SNU13: variants seen among roughly 807,000 people sequenced by gnomAD.
SNU13 encodes NHP2-like protein 1.
A neutral mutation model predicts 12.4 loss-of-function variants in SNU13; 2 were observed. That is an observed-to-expected ratio of 0.16 (90% confidence interval 0.07 to 0.51). The LOEUF is 0.51. SNU13 is among the 20% of genes least tolerant of loss of function. The probability of loss-of-function intolerance (pLI) is 0.96; values close to 1 mark genes in which losing one functional copy is unlikely to be tolerated. For missense variants in SNU13, 66 were observed against 157.8 expected (o/e 0.42, Z 3.12); for synonymous variants, 68 against 66.5 (o/e 1.02, Z -0.11).
chr22:41,679,439 C>T (rs955309688), intron 2 of SNU13, among the ~76,000 whole-genome samples: 1 of 151,914 alleles, frequency 6.6e-6, no homozygotes, highest in Non-Finnish European at 1.5e-5. Flanking sequence ...GCCTGTAATC[C>T]CAGCTACTTG....
At chr22:41,679,809 CAT>C (rs973703079) in intron 2 of SNU13, 1 of 152,114 alleles carries the variant, frequency 6.6e-6, no homozygotes, top group Non-Finnish European at 1.5e-5. Flanking sequence ...TGAAACGTTC[CAT>C]GTTTTTGAAT....
rs2147130254 is a variant in SNU13 at position 41,674,830 on chromosome 22, TAAC to T, written c.*100_*102del. The T allele has an allele frequency of 8.3e-6, 12 of 1,452,182 alleles. No individual in the cohort carries two copies. Among genetic ancestry groups the T allele is most frequent in the Non-Finnish European group, 1.1e-5 (12 of 1,074,990 alleles). The allele number at this position is 1,452,182 out of a possible 1,614,324, so 90.0% of individuals were successfully genotyped here. ...AAACCAGATTTAGTACTACATTTTA[TAAC>T]AATAGAGAGTAGCTGAAAATACTAC... On this transcript the variant is annotated 3_prime_UTR_variant, in exon 3 of 3. Coordinates refer to ENST00000401959, the MANE Select transcript of SNU13 (RefSeq NM_001003796.2).
At chr22:41,682,418 G>A (rs2068272352) in intron 1 of SNU13, 1 of 1,613,058 alleles carries the variant, frequency 6.2e-7, no homozygotes, top group African/African-American at 1.3e-5. Context: ...TGTCGGTTTG[G>A]ACGGTCTGCT....
intron 2 of SNU13, 96 bp from the exon 3 acceptor site, chr22:41,675,291 T>C: frequency 6.8e-7 from 1 of 1,461,148 alleles, no homozygotes; most frequent in Non-Finnish European, 9.3e-7. Context: ...CACAATTATG[T>C]GTCCTAGACC....
intron 2 of SNU13, among the ~76,000 whole-genome samples, chr22:41,678,058 C>A (rs1569107208): frequency 6.6e-6 from 1 of 151,440 alleles, no homozygotes; most frequent in Non-Finnish European, 1.5e-5. Flanking sequence ...TCACTGCAAG[C>A]TCCGCCTCCC....
In SNU13 at chr22:41,674,860, T is replaced by C; in HGVS notation, c.*73A>G. On this transcript the variant is annotated 3_prime_UTR_variant, in exon 3 of 3. Coordinates refer to ENST00000401959, the MANE Select transcript of SNU13 (RefSeq NM_001003796.2). The stretch of plus-strand genomic sequence containing the variant: ...ATAGAGAGTAGCTGAAAATACTACA[T>C]GCTAACACAGATAATATGATACACA... The C allele has an allele frequency of 1.9e-6, 3 of 1,555,870 alleles. No individual in the cohort carries two copies. Among genetic ancestry groups the C allele is most frequent in the Non-Finnish European group, 2.6e-6 (3 of 1,143,802 alleles).
intron 1 of SNU13, 111 bp downstream of exon 1, chr22:41,688,683 A>G: frequency 6.9e-7 from 1 of 1,442,696 alleles, no homozygotes; most frequent in Non-Finnish European, 9.4e-7. Context: ...TTAAGACCCA[A>G]CGCCGGCGGA....
At position 41,674,892 on chromosome 22, in the gene SNU13, G is replaced by C. The variant is rs1305366895; in HGVS notation, c.*41C>G. ...ACAGATAATATGATACACAACCTCA[G>C]GGGGGAAGCTGGCAGGGAGCACGTG... On this transcript the variant is annotated 3_prime_UTR_variant, in exon 3 of 3. Coordinates refer to ENST00000401959, the MANE Select transcript of SNU13 (RefSeq NM_001003796.2). 5.6e-6 allele frequency: 9 copies of C among 1,600,770 alleles called. No homozygotes were observed. Among genetic ancestry groups the C allele is most frequent in the Non-Finnish European group, 7.7e-6 (9 of 1,171,226 alleles).
intron 1 of SNU13, chr22:41,687,589 A>C (rs2068321154): frequency 6.6e-6 from 1 of 152,228 alleles, no homozygotes. Flanking sequence ...TCAGGGGTTA[A>C]ATAAATTAAC....
rs1415433150 is a variant in SNU13, at chr22:41,675,020, G to A, written c.300C>T (p.Ile100=). ...CTTCTTTGATGGTGACAGAACAGGC[G>A]ATGACAGGCCTGGAGACCCCACAGG... ...GRACGVSRPV[I]ACSVTIKEGS... The change falls in exon 3 of 3, where the codon ATC becomes ATT. Residue 100 remains isoleucine, a synonymous_variant. Coordinates refer to ENST00000401959, the MANE Select transcript of SNU13 (RefSeq NM_001003796.2). 6.2e-6 allele frequency: 10 copies of A among 1,614,090 alleles called. No homozygotes were observed. The highest frequency in any genetic ancestry group is 3.3e-5 in the Admixed American group (2 of 59,996).
chr22:41,674,711 G>T lies in SNU13; in HGVS notation c.*222C>A, dbSNP rs1569105519. ...TGCTCTGAACACTTGTTCCAAAAAG[G>T]GAGGATAAAAGGATGAAGGATGGCA... On this transcript the variant is annotated 3_prime_UTR_variant, in exon 3 of 3. Coordinates refer to ENST00000401959, the MANE Select transcript of SNU13 (RefSeq NM_001003796.2). 2 of 588,692 alleles carry T rather than the reference G, an allele frequency of 3.4e-6. No individual in the cohort carries two copies. The highest frequency in any genetic ancestry group is 5.8e-6 in the Non-Finnish European group (2 of 345,426). 36.5% of individuals were successfully genotyped at this position (588,692 alleles called of 1,614,324 possible).
intron 2 of SNU13, among the ~76,000 whole-genome samples, chr22:41,679,014 T>G (rs540283459): frequency 3.9e-5 from 6 of 152,332 alleles, no homozygotes; most frequent in Non-Finnish European, 7.3e-5. Flanking sequence ...TCCTAACACT[T>G]TGGGAGGCCA....
At chr22:41,689,446 G>A (rs2068342178), upstream of SNU13, 2 of 151,222 alleles carry the variant, frequency 1.3e-5, no homozygotes, top group South Asian at 2.1e-4. Context: ...GAGGCAGGCG[G>A]ATCACTAGGT....
Position 41,674,419 on chromosome 22 carries a change from C to T in SNU13, c.*514G>A. On this transcript the variant is annotated 3_prime_UTR_variant, in exon 3 of 3. Coordinates refer to ENST00000401959, the MANE Select transcript of SNU13 (RefSeq NM_001003796.2). Reference sequence around the variant, plus strand: ...ATTAGTAAACGACACTTGGACATAGCCGAACAACCTCACAGAACACATGCT... The same window carrying T: ...ATTAGTAAACGACACTTGGACATAGTCGAACAACCTCACAGAACACATGCT... The T allele has an allele frequency of 6.4e-6, 1 of 157,412 alleles. No homozygotes were observed. Among genetic ancestry groups the T allele is most frequent in the Non-Finnish European group, 1.4e-5 (1 of 71,136 alleles). The allele number at this position is 157,412 out of a possible 1,614,324, so 9.8% of individuals were successfully genotyped here.
intron 1 of SNU13, chr22:41,681,254 G>A (rs1266406600): frequency 6.6e-6 from 1 of 152,102 alleles, no homozygotes; most frequent in Non-Finnish European, 1.5e-5. Flanking sequence ...TTGTTCTTAG[G>A]ATATATCCTA....
rs550117749 is a variant in SNU13 at position 41,688,635 on chromosome 22, C to A, written c.3+159G>T. Reference sequence around the variant, plus strand: ...CTAACCTCGGGCCAGGCTGCTGGGACCCCGCCGCTGCTGGGGTTCTAACTA... The same window carrying A: ...CTAACCTCGGGCCAGGCTGCTGGGAACCCGCCGCTGCTGGGGTTCTAACTA... On this transcript the variant is annotated intron_variant, in intron 1 of 2. Coordinates refer to ENST00000401959, the MANE Select transcript of SNU13 (RefSeq NM_001003796.2). Among the ~76,000 whole-genome samples the A allele has an allele frequency of 2.0e-5, 3 of 152,306 alleles. No homozygotes were observed. The East Asian group carries it at 5.8e-4, about 29-fold the overall frequency.
At chr22:41,686,115 C>T (rs191397016) in intron 1 of SNU13, among the ~76,000 whole-genome samples, 225 of 152,096 alleles carry the variant, frequency 1.5e-3, no homozygotes, top group African/African-American at 5.2e-3. Flanking sequence ...GGCCACATCC[C>T]GTCTTTTAAC....
chr22:41,688,170 A>C (rs1601578096), intron 1 of SNU13: 2 of 152,294 alleles, frequency 1.3e-5, no homozygotes, highest in Admixed American at 1.3e-4. Flanking sequence ...TGGTTTTTGA[A>C]GCCACCGCCT....
chr22:41,676,655 T>C (rs915212224), intron 2 of SNU13, among the ~76,000 whole-genome samples: 3 of 152,184 alleles, frequency 2.0e-5, no homozygotes, highest in African/African-American at 7.2e-5. Flanking sequence ...TGGTTTTCAT[T>C]TGGTGGCAGC....
Sources: gnomAD v4.1 joint callset for allele counts (sites outside exome capture counted in the v4.1 genomes callset) on GRCh38, gnomAD v4.1.1 for gene constraint, MANE v1.5 for transcripts, NCBI Gene and HGNC (gene_info 2026-07-23, HGNC 2026-07-21) for gene names.